The following FSTL4 variants were observed in gnomAD, a reference collection of about 807,000 sequenced individuals.
FSTL4 encodes the protein follistatin like 4, also known as follistatin-related protein 4.
FSTL4 carries 28 observed loss-of-function variants against 78.2 expected under a neutral mutation model. That is an observed-to-expected ratio of 0.36 (90% CI 0.27 to 0.49). The LOEUF (loss-of-function observed/expected upper bound fraction) is 0.49. Among genes scored for constraint, FSTL4 ranks in the 20% least tolerant of loss-of-function variants. The probability of loss-of-function intolerance (pLI) is 0.98; values close to 1 mark genes in which losing one functional copy is unlikely to be tolerated. For missense variants in FSTL4, 922 were observed against 1,084.9 expected (o/e 0.85, Z 2.11); for synonymous variants, 422 against 440.5 (o/e 0.96, Z 0.53).
chr5:133,682,709 G>C, the FSTL4 span, among the ~76,000 whole-genome samples: 1 of 152,216 alleles, frequency 6.6e-6, no homozygotes, highest in Non-Finnish European at 1.5e-5. Flanking sequence ...CCACCCAGCT[G>C]AAAGGAAAGG....
chr5:133,615,946 G>A, upstream of FSTL4, among the ~76,000 whole-genome samples: 1 of 152,128 alleles, frequency 6.6e-6, no homozygotes. Context: ...TAAAAATGGA[G>A]GGAGATGAAC....
intron 3 of FSTL4, among the ~76,000 whole-genome samples, chr5:133,496,517 T>C (rs887384479): frequency 1.3e-5 from 2 of 152,200 alleles, no homozygotes; most frequent in African/African-American, 4.8e-5. Flanking sequence ...ACCTGTGTTG[T>C]AGGCAAAGAT....
chr5:133,650,212 A>G, the FSTL4 span, among the ~76,000 whole-genome samples: 2 of 152,206 alleles, frequency 1.3e-5, no homozygotes, highest in South Asian at 4.1e-4. Context: ...CACCCCCATG[A>G]CCCAAACACC....
At chr5:133,718,961 A>G in the FSTL4 span, among the ~76,000 whole-genome samples, 53 of 152,378 alleles carry the variant, frequency 3.5e-4, no homozygotes, top group African/African-American at 1.2e-3. Flanking sequence ...AAATATATAA[A>G]TAAAATGTAA....
chr5:133,773,792 A>C, the FSTL4 span, among the ~76,000 whole-genome samples: 1,044 of 152,234 alleles, frequency 6.9e-3, 10 homozygotes, highest in African/African-American at 0.024. Context: ...CTGACTTTTA[A>C]AATAATTGGT....
At chr5:133,312,572 G>A in intron 6 of FSTL4, 82 bp downstream of exon 6, 3 of 1,316,436 alleles carry the variant, frequency 2.3e-6, no homozygotes, top group Non-Finnish European at 3.3e-6. Flanking sequence ...GACAACTGAG[G>A]ACAGACTCCA....
chr5:133,611,527 G>A lies in FSTL4; in HGVS notation c.-11+798C>T, dbSNP rs1267540372. On this transcript the variant is annotated intron_variant, in intron 1 of 15. Coordinates refer to ENST00000265342, the MANE Select transcript of FSTL4 (RefSeq NM_015082.2). This position sits in a 1 kb window ranked among gnomAD's most constrained non-coding sequence, Gnocchi z 4.9. ...GTCTTTGTTTTGCGGGCGCAAAGAG[G>A]GCGGAGATCATCCACAGTGCAAGCT... is the stretch of plus-strand genomic sequence containing the variant. 6.6e-6 allele frequency among the ~76,000 whole-genome samples: 1 copy of A among 152,188 alleles called. No homozygotes were observed. The highest frequency in any genetic ancestry group is 1.5e-5 in the Non-Finnish European group (1 of 68,038).
intron 6 of FSTL4, among the ~76,000 whole-genome samples, chr5:133,266,141 T>C (rs1173003044): frequency 1.3e-5 from 2 of 152,120 alleles, no homozygotes; most frequent in Non-Finnish European, 2.9e-5. Context: ...TCACTGGACA[T>C]CGTGAGCCCA....
At chr5:133,664,350 A>C in the FSTL4 span, among the ~76,000 whole-genome samples, 1 of 152,056 alleles carries the variant, frequency 6.6e-6, no homozygotes, top group Non-Finnish European at 1.5e-5. Flanking sequence ...TTTCCTAGGC[A>C]CATTAACTCT....
chr5:133,412,883 A>G (rs1379978456), intron 3 of FSTL4, among the ~76,000 whole-genome samples: 1 of 152,146 alleles, frequency 6.6e-6, no homozygotes, highest in Non-Finnish European at 1.5e-5. Context: ...AGTTACACCC[A>G]TGTCTGCATA....
rs1009729188 is a variant in FSTL4 at position 133,522,420 on chromosome 5, T to TA, written c.160+44765dup. Among the ~76,000 whole-genome samples the TA allele has an allele frequency of 6.4e-4, 97 of 152,296 alleles. 1 individual carries two copies. Among genetic ancestry groups the TA allele is most frequent in the African/African-American group, 2.3e-3 (96 of 41,556 alleles). On this transcript the variant is annotated intron_variant, in intron 3 of 15. Transcript: ENST00000265342. ...CCACAATCTCTTGGGCATTGGGATTTAAAAAATAAAAAATGCAACTCTTAT... is the reference window on the plus strand; with the variant it reads ...CCACAATCTCTTGGGCATTGGGATTTAAAAAAATAAAAAATGCAACTCTTAT...
the FSTL4 span, among the ~76,000 whole-genome samples, chr5:133,803,925 A>G: frequency 5.2e-4 from 79 of 152,280 alleles, no homozygotes; most frequent in Non-Finnish European, 5.9e-5. Flanking sequence ...CCTGATTTTC[A>G]GGTGGAAGCT....
At chr5:133,736,011 T>C in the FSTL4 span, among the ~76,000 whole-genome samples, 1 of 152,256 alleles carries the variant, frequency 6.6e-6, no homozygotes, top group South Asian at 2.1e-4. Context: ...TTACCTACAC[T>C]TGACCATCCC....
At chr5:133,318,548 G>A (rs1158817026) in intron 4 of FSTL4, among the ~76,000 whole-genome samples, 2 of 152,218 alleles carry the variant, frequency 1.3e-5, no homozygotes, top group East Asian at 3.9e-4. Flanking sequence ...AGATGGATGT[G>A]TGCCTGTGTG....
intron 4 of FSTL4, among the ~76,000 whole-genome samples, chr5:133,341,271 C>G (rs9687268): frequency 9.2e-5 from 11 of 119,500 alleles, no homozygotes; most frequent in African/African-American, 2.3e-4. Flanking sequence ...AAAAAAAAAA[C>G]GTGTGCAGGA....
chr5:133,391,235 G>A (rs150060883), intron 4 of FSTL4, among the ~76,000 whole-genome samples: 6 of 152,256 alleles, frequency 3.9e-5, no homozygotes, highest in Admixed American at 2.6e-4. Flanking sequence ...GCTACACGGG[G>A]GCCTTGATCT....
At chr5:133,677,027 C>T in the FSTL4 span, among the ~76,000 whole-genome samples, 1 of 152,194 alleles carries the variant, frequency 6.6e-6, no homozygotes, top group Admixed American at 6.5e-5. Context: ...GGAGAAGATG[C>T]ATGTAATAGA....
the FSTL4 span, among the ~76,000 whole-genome samples, chr5:133,726,652 AGGGATAGATTCAAG>A: frequency 1.3e-5 from 2 of 152,176 alleles, no homozygotes; most frequent in African/African-American, 2.4e-5. Flanking sequence ...AAAATAACAA[AGGGATAGATTCAAG>A]GGGGGCTGGG....
At chr5:133,248,336 G>A (rs939574447) in intron 7 of FSTL4, 2 of 152,250 alleles carry the variant, frequency 1.3e-5, no homozygotes, top group Non-Finnish European at 2.9e-5. Context: ...TTCTTTTCTG[G>A]GCAAGCATCC....
Sources: gnomAD v4.1 joint callset for allele counts (sites outside exome capture counted in the v4.1 genomes callset) on GRCh38, gnomAD v4.1.1 for gene constraint, Gnocchi (gnomAD v3.1) non-coding constraint, MANE v1.5 for transcripts, NCBI Gene and HGNC (gene_info 2026-07-23, HGNC 2026-07-21) for gene names.